PKIG: variants seen among roughly 807,000 people sequenced by gnomAD.
PKIG encodes protein kinase (cAMP-dependent, catalytic) inhibitor gamma.
PKIG carries 1 observed loss-of-function variant against 6.8 expected under a neutral mutation model. That is an observed-to-expected ratio of 0.15 (90% CI 0.05 to 0.69). The LOEUF (loss-of-function observed/expected upper bound fraction) is 0.69, where lower values mean the gene tolerates loss of function less well. Among genes scored for constraint, PKIG ranks in the 30% least tolerant of loss-of-function variants. The pLI is 0.82. For missense variants in PKIG, 77 were observed against 104.0 expected (o/e 0.74, Z 1.13); for synonymous variants, 39 against 43.0 (o/e 0.91, Z 0.36).
At chr20:44,591,628 C>T (rs1446896569) in intron 2 of PKIG, among the ~76,000 whole-genome samples, 1 of 151,810 alleles carries the variant, frequency 6.6e-6, no homozygotes, top group Non-Finnish European at 1.5e-5. Flanking sequence ...TGGGTGGGGG[C>T]ACCCAGTGTA....
rs2064752921 is a variant in PKIG at position 44,560,059 on chromosome 20, A to G, written c.-240-22526A>G. Among the ~76,000 whole-genome samples the G allele has an allele frequency of 3.6e-5, 5 of 138,706 alleles. No individual in the cohort carries two copies. The South Asian group carries it at 9.0e-4, about 25-fold the overall frequency. 91.0% of individuals were successfully genotyped at this position (138,706 alleles called of 152,430 possible). On this transcript the variant is annotated intron_variant, in intron 1 of 4. Coordinates refer to the PKIG transcript ENST00000372887. ...AAAACCCGGAGAAGAAAATATGAAA[A>G]AAATACAAAAAAAAAAAGAAAGAAG...
At chr20:44,569,186 A>G (rs759093825) in intron 1 of PKIG, among the ~76,000 whole-genome samples, 10 of 152,184 alleles carry the variant, frequency 6.6e-5, no homozygotes, top group Non-Finnish European at 1.5e-4. Flanking sequence ...ATTTTCTCAT[A>G]TCTCTGCAAC....
At chr20:44,554,067 T>TA (rs537674823) in intron 1 of PKIG, among the ~76,000 whole-genome samples, 3 of 149,906 alleles carry the variant, frequency 2.0e-5, no homozygotes, top group Admixed American at 6.7e-5. Flanking sequence ...TTTATTAATT[T>TA]AAAAAAAAAT....
intron 3 of PKIG, among the ~76,000 whole-genome samples, chr20:44,616,403 G>A (rs1314578919): frequency 6.6e-6 from 1 of 152,148 alleles, no homozygotes; most frequent in Non-Finnish European, 1.5e-5. Context: ...TTGACCGACT[G>A]AATGACCAGC....
intron 1 of PKIG, among the ~76,000 whole-genome samples, chr20:44,573,754 T>A (rs1040364316): frequency 3.9e-5 from 6 of 152,216 alleles, no homozygotes; most frequent in African/African-American, 1.2e-4. Context: ...AGAAATAACA[T>A]ATGTAAAGCA....
At chr20:44,602,063 C>T (rs1380376784) in intron 2 of PKIG, among the ~76,000 whole-genome samples, 1 of 152,232 alleles carries the variant, frequency 6.6e-6, no homozygotes, top group African/African-American at 2.4e-5. Context: ...AAGGGCTTCA[C>T]CCTTTGTCCT....
Position 44,614,799 on chromosome 20 carries a change from T to C in PKIG, c.151+92T>C. 1.5e-6 allele frequency: 2 copies of C among 1,338,362 alleles called. No homozygotes were observed. The highest frequency in any genetic ancestry group is 2.1e-6 in the Non-Finnish European group (2 of 969,746). The allele number at this position is 1,338,362 out of a possible 1,614,324, so 82.9% of individuals were successfully genotyped here. A position where few individuals can be genotyped will look rare whatever the true frequency, so the allele number is the denominator to read the frequency against. On this transcript the variant is annotated intron_variant, in intron 3 of 3. Coordinates refer to ENST00000372886, the MANE Select transcript of PKIG (RefSeq NM_001281445.2). The surrounding 1 kb of genome is among the most constrained non-coding windows in gnomAD (Gnocchi z 4.6). ...TCCAAGTCCTAGACTGCCCATACTT[T>C]CTTAGAGAAGAAACCACATTTAAGT...
upstream of PKIG, among the ~76,000 whole-genome samples, chr20:44,578,643 C>T (rs2064921032): frequency 6.6e-6 from 1 of 152,198 alleles, no homozygotes; most frequent in Admixed American, 6.5e-5. Flanking sequence ...TCACCAGAAG[C>T]AGATGCTAGT....
intron 2 of PKIG, among the ~76,000 whole-genome samples, chr20:44,606,089 T>C (rs1258658473): frequency 6.6e-6 from 1 of 152,096 alleles, no homozygotes; most frequent in African/African-American, 2.4e-5. Flanking sequence ...AAAGTACAAA[T>C]GACAAGTAAA....
Position 44,618,526 on chromosome 20 carries a change from G to T in PKIG, c.*162G>T. ...GAGGCCTCTGTGGCCTCCACTCCGG[G>T]AAAGCCCTCTGCCCACACCCACAGG... On this transcript the variant is annotated 3_prime_UTR_variant, in exon 4 of 4. Transcript: ENST00000372886. 1 of 598,076 alleles carries T rather than the reference G, an allele frequency of 1.7e-6. No individual in the cohort carries two copies. The allele number at this position is 598,076 out of a possible 1,614,324, so 37.0% of individuals were successfully genotyped here. A position where few individuals can be genotyped will look rare whatever the true frequency, so the allele number is the denominator to read the frequency against.
At chr20:44,603,367 C>T (rs897974329) in intron 2 of PKIG, among the ~76,000 whole-genome samples, 22 of 152,192 alleles carry the variant, frequency 1.4e-4, no homozygotes, top group African/African-American at 5.3e-4. Context: ...CTTATTGAAT[C>T]TTCATAACAG....
chr20:44,591,833 T>C (rs1227305542), intron 2 of PKIG, among the ~76,000 whole-genome samples: 1 of 152,266 alleles, frequency 6.6e-6, no homozygotes, highest in African/African-American at 2.4e-5. Flanking sequence ...CTGTTTCGTT[T>C]GCCATGTAAG....
At chr20:44,609,941 A>C (rs2065199172) in intron 2 of PKIG, among the ~76,000 whole-genome samples, 2 of 152,194 alleles carry the variant, frequency 1.3e-5, no homozygotes, top group African/African-American at 4.8e-5. Flanking sequence ...TATCGTAGGA[A>C]TTGTCAGCAT....
chr20:44,580,957 AG>A (rs1442618654), upstream of PKIG, among the ~76,000 whole-genome samples: 1 of 152,160 alleles, frequency 6.6e-6, no homozygotes, highest in Non-Finnish European at 1.5e-5. Context: ...GTCTTGCTTC[AG>A]GCCACACAGG....
intron 1 of PKIG, among the ~76,000 whole-genome samples, chr20:44,546,677 C>T (rs914334990): frequency 5.9e-5 from 9 of 151,780 alleles, no homozygotes; most frequent in African/African-American, 9.7e-5. Flanking sequence ...CTCAGCCCCC[C>T]GGGTAGCTGG....
At chr20:44,569,894 C>G (rs1051683324) in intron 1 of PKIG, among the ~76,000 whole-genome samples, 10 of 152,150 alleles carry the variant, frequency 6.6e-5, no homozygotes, top group Non-Finnish European at 1.2e-4. Flanking sequence ...TGTGGGAGGC[C>G]AAGGCATGAG....
At chr20:44,579,196 C>T (rs1209734765), upstream of PKIG, among the ~76,000 whole-genome samples, 1 of 152,068 alleles carries the variant, frequency 6.6e-6, no homozygotes, top group Non-Finnish European at 1.5e-5. Flanking sequence ...AAGACCTGCC[C>T]CCAACTAAAT....
At chr20:44,560,041 G>A (rs540991200) in intron 1 of PKIG, among the ~76,000 whole-genome samples, 16 of 149,662 alleles carry the variant, frequency 1.1e-4, no homozygotes, top group Admixed American at 6.0e-4. Context: ...GGCAAAACCC[G>A]GAGAAGAAAA....
intron 1 of PKIG, among the ~76,000 whole-genome samples, chr20:44,568,821 C>T (rs191103526): frequency 1.3e-5 from 2 of 152,000 alleles, no homozygotes; most frequent in East Asian, 3.9e-4. Context: ...GTGTAATATT[C>T]CATTCTGTAG....
Sources: allele counts gnomAD v4.1 joint callset (sites outside exome capture counted in the v4.1 genomes callset), GRCh38; gene constraint gnomAD v4.1.1; non-coding constraint Gnocchi (gnomAD v3.1); transcripts MANE v1.5; gene names NCBI Gene and HGNC (gene_info 2026-07-23, HGNC 2026-07-21).